Variants in CMSS1 observed in about 807,000 individuals in gnomAD.
The protein encoded by CMSS1 is protein CMSS1.
A neutral mutation model predicts 43.5 loss-of-function variants in CMSS1; 33 were observed. That is an observed-to-expected ratio of 0.76 (90% confidence interval 0.57 to 1.01). CMSS1 has a LOEUF of 1.01. Ranked by LOEUF, CMSS1 falls within the 50% of genes least tolerant of loss-of-function variation. The pLI is 0.00. For synonymous variants in CMSS1, 115 were observed against 117.2 expected (o/e 0.98, Z 0.12); for missense variants, 313 against 326.4 (o/e 0.96, Z 0.32).
chr3:99,817,887 A>C lies in CMSS1; in HGVS notation c.-93A>C, dbSNP rs1424690975. 5 of 1,335,698 alleles carry C rather than the reference A, an allele frequency of 3.7e-6. No individual in the cohort carries two copies. Among genetic ancestry groups the C allele is most frequent in the Non-Finnish European group, 5.3e-6 (5 of 941,896 alleles). 82.7% of individuals were successfully genotyped at this position (1,335,698 alleles called of 1,614,324 possible). A position where few individuals can be genotyped will look rare whatever the true frequency, so the allele number is the denominator to read the frequency against. The stretch of plus-strand genomic sequence containing the variant: ...AGTGTCTAGCGGGAGCTCCGCGTGT[A>C]GCTACGCCGGCCGCCTGGCTTTGAG... On this transcript the variant is annotated 5_prime_UTR_variant, in exon 1 of 10. Transcript: ENST00000421999.
At chr3:99,858,689 C>A (rs1021431929) in intron 1 of CMSS1, among the ~76,000 whole-genome samples, 1 of 152,168 alleles carries the variant, frequency 6.6e-6, no homozygotes, top group African/African-American at 2.4e-5. Context: ...AATCATCACA[C>A]GTCATGGAGC....
intron 1 of CMSS1, among the ~76,000 whole-genome samples, chr3:99,886,020 T>C (rs1002057192): frequency 1.3e-5 from 2 of 152,236 alleles, no homozygotes; most frequent in African/African-American, 4.8e-5. Flanking sequence ...TTGTTCACTG[T>C]AAAGGAATTG....
chr3:99,909,981 A>ACAC lies in CMSS1; in HGVS notation c.64+91938_64+91939insCAC, dbSNP rs1706742214. Among the ~76,000 whole-genome samples the ACAC allele has an allele frequency of 6.0e-5, 5 of 83,586 alleles. 1 individual carries two copies. The highest frequency in any genetic ancestry group is 1.3e-4 in the Non-Finnish European group (4 of 30,976). The allele number at this position is 83,586 out of a possible 152,430, so 54.8% of individuals were successfully genotyped here. A position where few individuals can be genotyped will look rare whatever the true frequency, so the allele number is the denominator to read the frequency against. On this transcript the variant is annotated intron_variant, in intron 1 of 9. Transcript: ENST00000421999. ...TGAGAAATTTCAGTTCTCGGGGCAA[A>ACAC]ATGTGTATTCAGAGCTGAAATTTTG...
At chr3:99,986,729 C>T (rs967244146) in intron 1 of CMSS1, among the ~76,000 whole-genome samples, 6 of 151,884 alleles carry the variant, frequency 4.0e-5, no homozygotes, top group Admixed American at 1.3e-4. Flanking sequence ...TGGCCCTAAG[C>T]GGGGGATTCT....
chr3:100,001,038 A>G (rs1576632285), intron 1 of CMSS1, among the ~76,000 whole-genome samples: 1 of 152,050 alleles, frequency 6.6e-6, no homozygotes, highest in South Asian at 2.1e-4. Context: ...ATTGTTCTAT[A>G]TTTCACACAC....
In CMSS1 at chr3:100,038,382, T is replaced by C. The variant is rs111882680; in HGVS notation, c.65-108591T>C. 3.9e-5 allele frequency among the ~76,000 whole-genome samples: 6 copies of C among 152,350 alleles called. 1 individual carries two copies. The highest frequency in any genetic ancestry group is 7.2e-5 in the African/African-American group (3 of 41,580). On this transcript the variant is annotated intron_variant, in intron 1 of 9. Transcript: ENST00000421999. ...ACTGGCAACAGATAGAAAAATAAGA[T>C]ATTGAATTATCCAAAAGCTGATTAG...
At chr3:100,026,485 T>C (rs2064924712) in intron 1 of CMSS1, among the ~76,000 whole-genome samples, 1 of 152,078 alleles carries the variant, frequency 6.6e-6, no homozygotes, top group African/African-American at 2.4e-5. Context: ...ATGTGAAAAA[T>C]GCAGTTATGT....
At chr3:100,061,138 TTAAAAAAAAAA>T in intron 1 of CMSS1, among the ~76,000 whole-genome samples, 1 of 151,432 alleles carries the variant, frequency 6.6e-6, no homozygotes, top group Admixed American at 6.6e-5. Flanking sequence ...CTGTTAAAAT[TTAAAAAAAAAA>T]AAAATTTTAA....
intron 1 of CMSS1, among the ~76,000 whole-genome samples, chr3:99,847,516 G>A (rs943266187): frequency 5.3e-5 from 8 of 151,914 alleles, no homozygotes; most frequent in Admixed American, 5.2e-4. Flanking sequence ...ACTTTCTCTG[G>A]CTTCCTATCA....
chr3:99,850,305 C>A (rs1943610560), intron 1 of CMSS1: 2 of 1,613,682 alleles, frequency 1.2e-6, no homozygotes, highest in Non-Finnish European at 1.7e-6. Flanking sequence ...CTTGAGACAA[C>A]TGCTTTGTGG....
chr3:99,899,957 G>A (rs1274448453), intron 1 of CMSS1, among the ~76,000 whole-genome samples: 2 of 152,146 alleles, frequency 1.3e-5, no homozygotes, highest in Non-Finnish European at 2.9e-5. Context: ...GCTAAATACG[G>A]TGTTCTGGTT....
At chr3:100,072,987 GTTTT>G (rs565113768) in intron 1 of CMSS1, among the ~76,000 whole-genome samples, 2 of 151,506 alleles carry the variant, frequency 1.3e-5, no homozygotes, top group African/African-American at 4.9e-5. Flanking sequence ...ACTTTTTAAA[GTTTT>G]TTTTTACATC....
intron 1 of CMSS1, among the ~76,000 whole-genome samples, chr3:100,004,153 A>AT (rs1709922852): frequency 6.6e-6 from 1 of 152,104 alleles, no homozygotes. Flanking sequence ...TTGCAAGGTA[A>AT]TTTTGACATA....
At chr3:99,876,437 T>C (rs375811424) in intron 1 of CMSS1, among the ~76,000 whole-genome samples, 16 of 152,282 alleles carry the variant, frequency 1.1e-4, no homozygotes, top group East Asian at 7.7e-4. Flanking sequence ...AACAAAGTCA[T>C]TGGGAGGCAG....
intron 1 of CMSS1, among the ~76,000 whole-genome samples, chr3:99,933,374 A>G (rs1707550980): frequency 6.6e-6 from 1 of 152,222 alleles, no homozygotes. Context: ...AAGCAAAGGC[A>G]TAGAAGGGAT....
At chr3:100,079,118 G>A (rs1239911224) in intron 1 of CMSS1, among the ~76,000 whole-genome samples, 1 of 152,026 alleles carries the variant, frequency 6.6e-6, no homozygotes, top group Non-Finnish European at 1.5e-5. Context: ...CATAATCCAG[G>A]CCTCTCTCCC....
At chr3:99,935,265 C>CA (rs34961153) in intron 1 of CMSS1, among the ~76,000 whole-genome samples, 142,113 of 144,134 alleles carry the variant, frequency 0.99, 70,059 homozygotes, top group South Asian at 0.99. Flanking sequence ...TTCAGGGTAC[C>CA]AAAAAAAAAA....
At chr3:99,859,999 TAGTC>T (rs749248045) in intron 1 of CMSS1, among the ~76,000 whole-genome samples, 16 of 152,206 alleles carry the variant, frequency 1.1e-4, no homozygotes, top group Non-Finnish European at 1.6e-4. Context: ...TCATTTGACT[TAGTC>T]AGCAAGATCA....
At chr3:100,007,189 G>T (rs1710012734) in intron 1 of CMSS1, among the ~76,000 whole-genome samples, 1 of 152,074 alleles carries the variant, frequency 6.6e-6, no homozygotes. Flanking sequence ...TGCTCTTAAG[G>T]CTTTTATTGC....
Sources: gnomAD v4.1 joint callset for allele counts (sites outside exome capture counted in the v4.1 genomes callset) on GRCh38, gnomAD v4.1.1 for gene constraint, MANE v1.5 for transcripts, NCBI Gene and HGNC (gene_info 2026-07-23, HGNC 2026-07-21) for gene names.